CNOT6L: variants seen among roughly 807,000 people sequenced by gnomAD.
CNOT6L encodes CCR4-NOT transcription complex subunit 6-like.
CNOT6L carries 7 observed loss-of-function variants against 64.0 expected under a neutral mutation model. The ratio of observed to expected loss-of-function variants is 0.11; its 90% CI spans 0.06 to 0.21. The LOEUF is 0.21. Among genes scored for constraint, CNOT6L ranks in the 10% least tolerant of loss-of-function variants. The probability of loss-of-function intolerance (pLI) is 1.00; values close to 1 mark genes in which losing one functional copy is unlikely to be tolerated. For missense variants in CNOT6L, 245 were observed against 669.0 expected, an observed-to-expected ratio of 0.37 and a Z score of 6.99; for synonymous variants, 193 against 243.4, an observed-to-expected ratio of 0.79 and a Z score of 1.93.
At chr4:77,810,487 T>C (rs1475216805) in intron 1 of CNOT6L, among the ~76,000 whole-genome samples, 3 of 152,170 alleles carry the variant, frequency 2.0e-5, no homozygotes, top group South Asian at 4.1e-4. Flanking sequence ...ACCCCCAATA[T>C]GGCAAAGGTT....
intron 1 of CNOT6L, among the ~76,000 whole-genome samples, chr4:77,788,497 G>A (rs1729715564): frequency 6.6e-6 from 1 of 152,194 alleles, no homozygotes; most frequent in South Asian, 2.1e-4. Flanking sequence ...GGAAGCCAAG[G>A]CAGGCAGATT....
chr4:77,766,865 A>C (rs1169244367), intron 4 of CNOT6L, among the ~76,000 whole-genome samples: 1 of 151,796 alleles, frequency 6.6e-6, no homozygotes, highest in Non-Finnish European at 1.5e-5. Context: ...GGAATTTGAG[A>C]CCAGCCTGGC....
In CNOT6L at chr4:77,752,689, CT is replaced by C. The variant is rs1724983789; in HGVS notation, c.490+4172del. Among the ~76,000 whole-genome samples the C allele has an allele frequency of 2.6e-5, 4 of 151,664 alleles. No homozygotes were observed. The South Asian group carries it at 8.3e-4, about 32-fold the overall frequency. Reference sequence around the variant, plus strand: ...TGAATGATAATGAAAATAATACAAACTAAAGCTTGTGAGATACAGCTAAAAG... The same window carrying C: ...TGAATGATAATGAAAATAATACAAACAAAGCTTGTGAGATACAGCTAAAAG... On this transcript the variant is annotated intron_variant, in intron 5 of 11. Transcript: ENST00000504123.
upstream of CNOT6L, chr4:77,819,514 C>A: frequency 1.0e-6 from 1 of 996,140 alleles, no homozygotes; most frequent in Non-Finnish European, 1.4e-6. Flanking sequence ...CACACAGGGC[C>A]CGTAACCGGG....
rs1160294157 is a variant in CNOT6L at position 77,783,170 on chromosome 4, AC to A, written c.6-6779del. Among the ~76,000 whole-genome samples the A allele has an allele frequency of 3.5e-3, 519 of 150,184 alleles. 3 individuals carry two copies. The highest frequency in any genetic ancestry group is 0.012 in the African/African-American group (487 of 40,524). On this transcript the variant is annotated intron_variant, in intron 1 of 11. Transcript: ENST00000504123. ...CCACTCAAAAAAAAAAAAAAAAAAA[AC>A]ACATGTTTTATAATGGCAAAGTCAC...
chr4:77,745,137 A>G (rs2109954766), intron 6 of CNOT6L, among the ~76,000 whole-genome samples: 1 of 152,364 alleles, frequency 6.6e-6, no homozygotes, highest in African/African-American at 2.4e-5. Context: ...TAAAAAATTT[A>G]AATTTTAAAT....
intron 1 of CNOT6L, among the ~76,000 whole-genome samples, chr4:77,792,661 G>C (rs958839648): frequency 6.6e-6 from 1 of 151,210 alleles, no homozygotes. Flanking sequence ...AGGAGGCAGA[G>C]GTTGCAGTAA....
intron 1 of CNOT6L, among the ~76,000 whole-genome samples, chr4:77,777,949 A>G (rs1728332889): frequency 6.6e-6 from 1 of 152,254 alleles, no homozygotes; most frequent in African/African-American, 2.4e-5. Flanking sequence ...AGGAGCAAAG[A>G]GAAAGTTTTC....
At chr4:77,737,332 T>C (rs1723067659) in intron 8 of CNOT6L, among the ~76,000 whole-genome samples, 1 of 151,050 alleles carries the variant, frequency 6.6e-6, no homozygotes, top group Non-Finnish European at 1.5e-5. Context: ...AGAAGGTAAC[T>C]AATTGGAAAA....
chr4:77,799,704 CAAAAAAAAAAAA>C (rs71214370), intron 1 of CNOT6L, among the ~76,000 whole-genome samples: 1 of 90,934 alleles, frequency 1.1e-5, no homozygotes, highest in Admixed American at 1.3e-4. Context: ...AACTCCATCT[CAAAAAAAAAAAA>C]AAAAAAAGGA....
intron 1 of CNOT6L, among the ~76,000 whole-genome samples, chr4:77,777,159 A>C (rs1018740547): frequency 6.6e-6 from 1 of 152,212 alleles, no homozygotes; most frequent in Non-Finnish European, 1.5e-5. Context: ...GTATGAGTAC[A>C]TATCTTAGTT....
At position 77,819,362 on chromosome 4, in the gene CNOT6L, C is replaced by G; in HGVS notation, c.-54G>C. 4 of 1,610,084 alleles carry G rather than the reference C, an allele frequency of 2.5e-6. No homozygotes were observed. The highest frequency in any genetic ancestry group is 1.7e-5 in the Admixed American group (1 of 59,914). On this transcript the variant is annotated 5_prime_UTR_variant, in exon 1 of 12. Transcript: ENST00000504123. ...AGCCATTTCCCCGCGGCAGGGGAAA[C>G]ACACACACAAACACGCGCGCGCGCG...
chr4:77,796,972 A>G (rs1730916244), intron 1 of CNOT6L, among the ~76,000 whole-genome samples: 1 of 151,810 alleles, frequency 6.6e-6, no homozygotes, highest in African/African-American at 2.4e-5. Flanking sequence ...GGTCTTAACT[A>G]CTTGGGAGGC....
At chr4:77,807,276 CAA>C (rs58452605) in intron 1 of CNOT6L, among the ~76,000 whole-genome samples, 2 of 108,216 alleles carry the variant, frequency 1.8e-5, no homozygotes, top group African/African-American at 4.5e-5. Context: ...GACTCCATCT[CAA>C]AAAAAAAAAA....
chr4:77,763,457 A>T (rs919759033), intron 4 of CNOT6L, among the ~76,000 whole-genome samples: 3 of 152,132 alleles, frequency 2.0e-5, no homozygotes, highest in Admixed American at 2.0e-4. Flanking sequence ...TAGCATCATA[A>T]GATTATAACA....
chr4:77,753,919 A>C (rs1725157700), intron 5 of CNOT6L, among the ~76,000 whole-genome samples: 1 of 137,788 alleles, frequency 7.3e-6, no homozygotes, highest in East Asian at 2.2e-4. Context: ...AAAAAAAAAA[A>C]CTTGCCTAGC....
At chr4:77,763,926 C>T (rs1726522001) in intron 4 of CNOT6L, among the ~76,000 whole-genome samples, 1 of 151,914 alleles carries the variant, frequency 6.6e-6, no homozygotes, top group Admixed American at 6.6e-5. Flanking sequence ...ATACTTAGAC[C>T]GAAACAGTAA....
chr4:77,768,428 G>A (rs1418941729), intron 4 of CNOT6L, among the ~76,000 whole-genome samples: 1 of 148,676 alleles, frequency 6.7e-6, no homozygotes, highest in Non-Finnish European at 1.5e-5. Context: ...TCGCGCCACT[G>A]CACTCCAGCC....
At chr4:77,774,747 A>G in intron 2 of CNOT6L, 31 bp from the exon 3 acceptor site, 1 of 1,441,400 alleles carries the variant, frequency 6.9e-7, no homozygotes, top group Non-Finnish European at 9.2e-7. Context: ...GTGTAAAAAA[A>G]AACCCCAGGC....
Sources: gnomAD v4.1 joint callset for allele counts (sites outside exome capture counted in the v4.1 genomes callset) on GRCh38, gnomAD v4.1.1 for gene constraint, MANE v1.5 for transcripts, NCBI Gene and HGNC (gene_info 2026-07-23, HGNC 2026-07-21) for gene names.